LRRC37A2: variants seen among roughly 807,000 people sequenced by gnomAD.
LRRC37A2 encodes the protein leucine-rich repeat-containing protein 37A2.
Under a neutral mutation model 68.8 loss-of-function variants are expected in LRRC37A2, and 9 were observed. The observed-to-expected ratio is 0.13, with a 90% confidence interval of 0.08 to 0.23. LRRC37A2 has a LOEUF of 0.23. LRRC37A2 is among the 10% of genes least tolerant of loss of function. The probability of loss-of-function intolerance (pLI) is 1.00; values close to 1 mark genes in which losing one functional copy is unlikely to be tolerated. For missense variants in LRRC37A2, 168 were observed against 950.4 expected (o/e 0.18, Z 10.82); for synonymous variants, 63 against 367.6 (o/e 0.17, Z 9.48).
chr17:47,012,073 T>A, the LRRC37A2 span, among the ~76,000 whole-genome samples: 1 of 152,232 alleles, frequency 6.6e-6, no homozygotes, highest in East Asian at 1.9e-4. Flanking sequence ...CATCCGATGA[T>A]GATTCTTGCT....
the LRRC37A2 span, among the ~76,000 whole-genome samples, chr17:46,877,507 C>T: frequency 3.3e-5 from 5 of 152,190 alleles, no homozygotes; most frequent in Non-Finnish European, 5.9e-5. Context: ...GCCACCAAGG[C>T]GGGACTCAGT....
chr17:46,883,059 A>C, the LRRC37A2 span, among the ~76,000 whole-genome samples: 1 of 151,906 alleles, frequency 6.6e-6, no homozygotes, highest in Admixed American at 6.6e-5. Flanking sequence ...GCTCACTGCA[A>C]GCTCCGCCTC....
At chr17:46,572,914 C>CAGAG in the LRRC37A2 span, among the ~76,000 whole-genome samples, 2 of 77,138 alleles carry the variant, frequency 2.6e-5, no homozygotes, top group African/African-American at 9.9e-5. Context: ...AAGAGAGAGA[C>CAGAG]AGAGAGAGAG....
chr17:46,767,764 C>A, the LRRC37A2 span, among the ~76,000 whole-genome samples: 2 of 152,034 alleles, frequency 1.3e-5, no homozygotes, highest in East Asian at 3.8e-4. Context: ...TGTGCACACA[C>A]TGAATTTTGT....
the LRRC37A2 span, among the ~76,000 whole-genome samples, chr17:46,845,765 C>T: frequency 3.5e-5 from 5 of 144,760 alleles, no homozygotes; most frequent in South Asian, 4.5e-4. Context: ...AGGGATTACA[C>T]GTGTGAGCCA....
chr17:46,847,633 G>T, the LRRC37A2 span, among the ~76,000 whole-genome samples: 1 of 152,104 alleles, frequency 6.6e-6, no homozygotes, highest in Non-Finnish European at 1.5e-5. Flanking sequence ...AGCCCTCCTG[G>T]GCAGCTGTGT....
chr17:46,988,425 T>A, the LRRC37A2 span, among the ~76,000 whole-genome samples: 1 of 152,206 alleles, frequency 6.6e-6, no homozygotes, highest in Non-Finnish European at 1.5e-5. Context: ...AATGCACAAA[T>A]TGCCAAAATT....
the LRRC37A2 span, among the ~76,000 whole-genome samples, chr17:46,987,057 C>T: frequency 9.9e-5 from 15 of 152,230 alleles, no homozygotes; most frequent in Admixed American, 3.3e-4. Flanking sequence ...ACCAGCCTGG[C>T]TGACACGGTG....
chr17:46,982,375 G>T, the LRRC37A2 span, among the ~76,000 whole-genome samples: 1 of 152,208 alleles, frequency 6.6e-6, no homozygotes, highest in Non-Finnish European at 1.5e-5. Flanking sequence ...GGTGAGTGAG[G>T]ATGCAGAATG....
the LRRC37A2 span, among the ~76,000 whole-genome samples, chr17:46,716,407 C>T: frequency 6.6e-6 from 1 of 152,094 alleles, no homozygotes; most frequent in Non-Finnish European, 1.5e-5. Context: ...CAGGCACCCG[C>T]CACCATGCCT....
the LRRC37A2 span, among the ~76,000 whole-genome samples, chr17:47,023,382 G>A: frequency 1.3e-5 from 2 of 152,188 alleles, no homozygotes; most frequent in Non-Finnish European, 2.9e-5. Flanking sequence ...GCCATGATGA[G>A]TTCTAAATTA....
chr17:46,843,059 T>C, the LRRC37A2 span, among the ~76,000 whole-genome samples: 2 of 152,242 alleles, frequency 1.3e-5, no homozygotes, highest in East Asian at 1.9e-4. Flanking sequence ...CATGTGGTAT[T>C]GCAACCAGGC....
chr17:46,877,827 C>T, the LRRC37A2 span, among the ~76,000 whole-genome samples: 1 of 152,216 alleles, frequency 6.6e-6, no homozygotes, highest in Admixed American at 6.5e-5. Context: ...TTTGCCCTGG[C>T]TGGGGTTATA....
chr17:46,541,909 C>CCCT (rs1172115693), intron 8 of LRRC37A2, among the ~76,000 whole-genome samples: 2 of 148,338 alleles, frequency 1.3e-5, no homozygotes, highest in Non-Finnish European at 2.9e-5. Flanking sequence ...GACAACTGTT[C>CCCT]ACTCCTTTTT....
the LRRC37A2 span, among the ~76,000 whole-genome samples, chr17:46,806,753 C>T: frequency 9.2e-5 from 14 of 152,338 alleles, no homozygotes; most frequent in African/African-American, 2.6e-4. Flanking sequence ...AGGGCAGAAG[C>T]GGAGGGGAGG....
At chr17:46,760,304 A>G in the LRRC37A2 span, among the ~76,000 whole-genome samples, 23 of 152,210 alleles carry the variant, frequency 1.5e-4, no homozygotes, top group Admixed American at 7.9e-4. Context: ...ATTAGTATGA[A>G]TAGGGACCAT....
At chr17:46,938,646 C>T in the LRRC37A2 span, 1 of 1,614,090 alleles carries the variant, frequency 6.2e-7, no homozygotes, top group Non-Finnish European at 8.5e-7. Context: ...TGGGCTTGTC[C>T]AACACAGTGA....
At chr17:46,906,839 C>T in the LRRC37A2 span, among the ~76,000 whole-genome samples, 2 of 152,056 alleles carry the variant, frequency 1.3e-5, no homozygotes, top group Non-Finnish European at 2.9e-5. Flanking sequence ...TGCAATGCCA[C>T]CTCCCAGAGG....
the LRRC37A2 span, among the ~76,000 whole-genome samples, chr17:46,900,162 C>CATAT: frequency 6.4e-4 from 65 of 101,104 alleles, 1 homozygote; most frequent in African/African-American, 2.2e-3. Context: ...TATATATATA[C>CATAT]ATATACATAT....
Sources: allele counts gnomAD v4.1 joint callset (sites outside exome capture counted in the v4.1 genomes callset), GRCh38; gene constraint gnomAD v4.1.1; transcripts MANE v1.5; gene names NCBI Gene and HGNC (gene_info 2026-07-23, HGNC 2026-07-21).